Variants in ARHGAP6 observed in about 807,000 individuals in gnomAD.
The protein encoded by ARHGAP6 is Rho GTPase activating protein 6.
A neutral mutation model predicts 55.7 loss-of-function variants in ARHGAP6; 16 were observed. That is an observed-to-expected ratio of 0.29 (90% CI 0.19 to 0.44). The LOEUF is 0.44. ARHGAP6 is among the 20% of genes least tolerant of loss of function. The pLI, the probability that ARHGAP6 is intolerant of heterozygous loss-of-function variation, is 1.00. For missense variants in ARHGAP6, 698 were observed against 808.9 expected, an observed-to-expected ratio of 0.86 and a Z score of 1.66; for synonymous variants, 382 against 360.9, an observed-to-expected ratio of 1.06 and a Z score of -0.66.
Position 11,512,804 on chromosome X carries a change from C to T in ARHGAP6, c.588+151437G>A, listed in dbSNP as rs1291050507. Among the ~76,000 whole-genome samples the T allele has an allele frequency of 4.5e-5, 5 of 111,614 alleles. No individual in the cohort carries two copies. In the East Asian group the frequency reaches 1.4e-3, roughly 31 times the overall value. ...TCAGCAGAGCCTTCTCCATGACCTA[C>T]AGCTGACTGCACATGCATAAGAAAG... is the stretch of plus-strand genomic sequence containing the variant. On this transcript the variant is annotated intron_variant, in intron 1 of 12. Transcript: ENST00000337414.
chrX:11,176,080 G>T (rs939471943), intron 8 of ARHGAP6, among the ~76,000 whole-genome samples: 4 of 100,914 alleles, frequency 4.0e-5, no homozygotes, highest in Non-Finnish European at 8.0e-5. Flanking sequence ...ACCTCCCCTA[G>T]AGTTGTGAAA....
chrX:11,641,291 GA>G (rs1231163437), intron 1 of ARHGAP6, among the ~76,000 whole-genome samples: 3 of 111,628 alleles, frequency 2.7e-5, no homozygotes, highest in African/African-American at 9.7e-5. Context: ...AGGGAATGGA[GA>G]GAGCAAAATT....
chrX:11,591,515 C>G (rs1169436222), intron 1 of ARHGAP6, among the ~76,000 whole-genome samples: 1 of 110,687 alleles, frequency 9.0e-6, no homozygotes, highest in Non-Finnish European at 1.9e-5. Context: ...AGTGCTCAAT[C>G]CATACAATGA....
intron 1 of ARHGAP6, among the ~76,000 whole-genome samples, chrX:11,297,617 T>G (rs2048108504): frequency 8.9e-6 from 1 of 111,891 alleles, no homozygotes; most frequent in Non-Finnish European, 1.9e-5. Flanking sequence ...GGAATAAGAT[T>G]CTTACTTCTC....
intron 1 of ARHGAP6, among the ~76,000 whole-genome samples, chrX:11,509,678 T>G (rs1394988707): frequency 8.9e-6 from 1 of 112,047 alleles, no homozygotes; most frequent in Non-Finnish European, 1.9e-5. Flanking sequence ...CATTCAGGAA[T>G]TTGAAATCGT....
intron 2 of ARHGAP6, among the ~76,000 whole-genome samples, chrX:11,229,581 C>T (rs1218616601): frequency 5.4e-5 from 6 of 112,136 alleles, no homozygotes; most frequent in Non-Finnish European, 9.4e-5. Context: ...ATGATGAACT[C>T]TCTTACCTTT....
In ARHGAP6 at chrX:11,296,645, A is replaced by G. The variant is rs1459832981; in HGVS notation, c.589-41938T>C. ...CTCAAGTATATTCTGCACTATATAG[A>G]TTTTTTTAAAGTAGCTTCAGTCTCC... On this transcript the variant is annotated intron_variant, in intron 1 of 12. Transcript: ENST00000337414. 4.0e-6 allele frequency: 3 copies of G among 749,777 alleles called. No homozygotes were observed. In the East Asian group the frequency reaches 1.0e-4, roughly 26 times the overall value. 61.8% of individuals were successfully genotyped at this position (749,777 alleles called of 1,213,427 possible).
intron 1 of ARHGAP6, among the ~76,000 whole-genome samples, chrX:11,523,527 T>A (rs1484985784): frequency 6.2e-5 from 7 of 112,225 alleles, no homozygotes. Flanking sequence ...GATAAGCAAC[T>A]TCAGCAAAGT....
chrX:11,221,912 T>C (rs760425193), intron 2 of ARHGAP6, among the ~76,000 whole-genome samples: 5 of 111,272 alleles, frequency 4.5e-5, no homozygotes, highest in Admixed American at 1.9e-4. Flanking sequence ...GTAGGCCCAG[T>C]TGTCTGTTGT....
At chrX:11,343,987 T>C (rs1169364846) in intron 1 of ARHGAP6, among the ~76,000 whole-genome samples, 1 of 112,115 alleles carries the variant, frequency 8.9e-6, no homozygotes, top group Admixed American at 9.5e-5. Flanking sequence ...TCATTGTAAA[T>C]GTTGTTTTGA....
intron 1 of ARHGAP6, among the ~76,000 whole-genome samples, chrX:11,456,566 T>C (rs546565035): frequency 9.0e-6 from 1 of 111,595 alleles, no homozygotes; most frequent in Middle Eastern, 4.6e-3. Flanking sequence ...GAACTTCAAT[T>C]ACCCAACTTA....
At chrX:11,172,401 G>A (rs1248463981) in intron 8 of ARHGAP6, among the ~76,000 whole-genome samples, 1 of 110,819 alleles carries the variant, frequency 9.0e-6, no homozygotes. Flanking sequence ...CATGGTTAAG[G>A]TGAAAATCAA....
chrX:11,222,920 CAT>C (rs1232562719), intron 2 of ARHGAP6, among the ~76,000 whole-genome samples: 2 of 111,608 alleles, frequency 1.8e-5, no homozygotes, highest in East Asian at 5.6e-4. Context: ...TTTTTTTCAT[CAT>C]CTGTCAATTA....
intron 1 of ARHGAP6, among the ~76,000 whole-genome samples, chrX:11,389,591 A>G (rs2049377003): frequency 8.9e-6 from 1 of 112,481 alleles, no homozygotes; most frequent in African/African-American, 3.2e-5. Context: ...ATGCGTTATC[A>G]TCAATATTTA....
chrX:11,457,717 G>A (rs999765909), intron 1 of ARHGAP6, among the ~76,000 whole-genome samples: 14 of 111,111 alleles, frequency 1.3e-4, no homozygotes, highest in African/African-American at 4.6e-4. Context: ...GAAGTGCAGG[G>A]GAGGTAAGGG....
intron 1 of ARHGAP6, among the ~76,000 whole-genome samples, chrX:11,272,179 G>A (rs958837864): frequency 2.7e-5 from 3 of 111,977 alleles, no homozygotes; most frequent in African/African-American, 9.7e-5. Context: ...TATTGAATTG[G>A]TAATTGTATT....
chrX:11,518,462 C>CTTTTTTTTT (rs368595944), intron 1 of ARHGAP6, among the ~76,000 whole-genome samples: 2 of 74,930 alleles, frequency 2.7e-5, no homozygotes, highest in South Asian at 6.9e-4. Context: ...TTTTTTTTTT[C>CTTTTTTTTT]TTTTTTTTTT....
At chrX:11,624,127 G>A (rs772551739) in intron 1 of ARHGAP6, among the ~76,000 whole-genome samples, 33 of 112,160 alleles carry the variant, frequency 2.9e-4, no homozygotes, top group Non-Finnish European at 5.3e-4. Flanking sequence ...ATGGGGAAAG[G>A]ACAGTCTTTT....
intron 2 of ARHGAP6, among the ~76,000 whole-genome samples, chrX:11,229,204 A>T (rs1346754828): frequency 8.9e-6 from 1 of 112,187 alleles, no homozygotes; most frequent in Admixed American, 9.5e-5. Flanking sequence ...ACTTCAAAAA[A>T]TAGATATACT....
Sources: gnomAD v4.1 joint callset for allele counts (sites outside exome capture counted in the v4.1 genomes callset) on GRCh38, gnomAD v4.1.1 for gene constraint, MANE v1.5 for transcripts, NCBI Gene and HGNC (gene_info 2026-07-23, HGNC 2026-07-21) for gene names.